Variants in PHACTR1 observed in about 807,000 individuals in gnomAD.
The protein encoded by PHACTR1 is RPEL repeat containing 1.
In PHACTR1, 16 loss-of-function variants were observed where a neutral mutation model predicts 69.2. The ratio of observed to expected loss-of-function variants is 0.23; its 90% CI spans 0.16 to 0.35. The LOEUF (loss-of-function observed/expected upper bound fraction) is 0.35. Ranked by LOEUF, PHACTR1 falls within the 10% of genes least tolerant of loss-of-function variation. The pLI is 1.00. For missense variants in PHACTR1, 510 were observed against 734.7 expected (o/e 0.69, Z 3.54); for synonymous variants, 312 against 284.5 (o/e 1.10, Z -0.97).
At chr6:13,160,342 C>A in intron 6 of PHACTR1, 58 bp downstream of exon 6, 1 of 1,415,390 alleles carries the variant, frequency 7.1e-7, no homozygotes, top group Non-Finnish European at 1.0e-6. Context: ...AATCTGCATG[C>A]ATATTGCTTG....
At chr6:12,795,044 G>T (rs1283230334) in intron 4 of PHACTR1, among the ~76,000 whole-genome samples, 2 of 152,120 alleles carry the variant, frequency 1.3e-5, no homozygotes, top group Non-Finnish European at 2.9e-5. Context: ...CTCATCTGAG[G>T]ATCTTGTTAA....
intron 5 of PHACTR1, among the ~76,000 whole-genome samples, chr6:13,093,927 A>C (rs967242679): frequency 6.6e-6 from 1 of 152,182 alleles, no homozygotes; most frequent in African/African-American, 2.4e-5. Context: ...GCTGGGGTGC[A>C]GTGGTGCAAT....
At chr6:13,149,264 T>C (rs1348454367) in intron 5 of PHACTR1, among the ~76,000 whole-genome samples, 3 of 152,140 alleles carry the variant, frequency 2.0e-5, no homozygotes, top group Admixed American at 6.5e-5. Flanking sequence ...TCCAACGAAC[T>C]GGGGAGGAAC....
chr6:13,278,259 T>A lies in PHACTR1; in HGVS notation c.1448-9T>A, dbSNP rs1445765854. The A allele has an allele frequency of 6.3e-7, 1 of 1,576,308 alleles. No homozygotes were observed. The highest frequency in any genetic ancestry group is 1.4e-5 in the African/African-American group (1 of 73,912). ...TGAAATAAAAAAACATCTTAAATAT[T>A]TTTTTTAGCTCGGAATGAACAAGAG... is the stretch of plus-strand genomic sequence containing the variant. On this transcript the variant is annotated splice_polypyrimidine_tract_variant and intron_variant, in intron 11 of 14. Transcript: ENST00000332995.
At chr6:12,748,506 G>A (rs531648297) in intron 3 of PHACTR1, among the ~76,000 whole-genome samples, 1 of 152,310 alleles carries the variant, frequency 6.6e-6, no homozygotes, top group Non-Finnish European at 1.5e-5. Flanking sequence ...TCCTACAGCT[G>A]CAGAAAGACA....
At chr6:13,183,886 G>A (rs768134780) in intron 7 of PHACTR1, among the ~76,000 whole-genome samples, 2 of 152,214 alleles carry the variant, frequency 1.3e-5, no homozygotes, top group Non-Finnish European at 2.9e-5. Flanking sequence ...CGGCATGATA[G>A]GAAGGTGTGT....
At chr6:13,036,447 TA>T (rs1202503483) in intron 4 of PHACTR1, among the ~76,000 whole-genome samples, 3 of 152,218 alleles carry the variant, frequency 2.0e-5, no homozygotes, top group African/African-American at 4.8e-5. Flanking sequence ...TGGTTGAACA[TA>T]GGGGTCATTA....
rs890972458 is a variant in PHACTR1, at chr6:13,179,740, A to G, written c.497-2779A>G. On this transcript the variant is annotated intron_variant, in intron 6 of 14. Transcript: ENST00000332995. This position sits in a 1 kb window ranked among gnomAD's most constrained non-coding sequence, Gnocchi z 4.2. ...GATAGATAGATAGATAGATAGATAG[A>G]TAGATAGACAGAACAAGGTTATCAA... is the stretch of plus-strand genomic sequence containing the variant. 7.2e-6 allele frequency among the ~76,000 whole-genome samples: 1 copy of G among 138,986 alleles called. No individual in the cohort carries two copies. The highest frequency in any genetic ancestry group is 2.7e-5 in the African/African-American group (1 of 36,536). 91.2% of individuals were successfully genotyped at this position (138,986 alleles called of 152,430 possible).
At chr6:13,044,060 A>G (rs749865826) in intron 4 of PHACTR1, among the ~76,000 whole-genome samples, 8 of 152,086 alleles carry the variant, frequency 5.3e-5, no homozygotes, top group Non-Finnish European at 1.2e-4. Context: ...TATTAGCTCA[A>G]TAAGTCTAAC....
chr6:13,126,044 T>G (rs533962215), intron 5 of PHACTR1, among the ~76,000 whole-genome samples: 156 of 152,314 alleles, frequency 1.0e-3, no homozygotes, highest in African/African-American at 3.6e-3. Context: ...TATTTGATAT[T>G]AAGAATTTAA....
At chr6:12,965,451 C>CTTTTTTTTTTTT (rs55640152) in intron 4 of PHACTR1, among the ~76,000 whole-genome samples, 1 of 131,966 alleles carries the variant, frequency 7.6e-6, no homozygotes, top group Non-Finnish European at 1.6e-5. Flanking sequence ...TATTTTGTGC[C>CTTTTTTTTTTTT]TTTTTTTTTT....
At chr6:12,880,795 A>G (rs540628508) in intron 4 of PHACTR1, among the ~76,000 whole-genome samples, 1 of 152,348 alleles carries the variant, frequency 6.6e-6, no homozygotes, top group Admixed American at 6.5e-5. Flanking sequence ...CAGCATGAGA[A>G]AAGACAATAG....
intron 7 of PHACTR1, among the ~76,000 whole-genome samples, chr6:13,195,098 C>T (rs562701087): frequency 7.2e-5 from 11 of 152,264 alleles, no homozygotes; most frequent in Admixed American, 5.2e-4. Flanking sequence ...AAACGCCAGG[C>T]GAGTGATCAT....
chr6:13,226,564 A>G (rs1178077532), intron 8 of PHACTR1, among the ~76,000 whole-genome samples: 1 of 152,158 alleles, frequency 6.6e-6, no homozygotes, highest in East Asian at 1.9e-4. Flanking sequence ...GAATTATAAA[A>G]TTTAACTATG....
chr6:12,865,840 A>G (rs1346564815), intron 4 of PHACTR1, among the ~76,000 whole-genome samples: 2 of 152,136 alleles, frequency 1.3e-5, no homozygotes, highest in Non-Finnish European at 2.9e-5. Context: ...TCTTCCAGCT[A>G]TAAAACCTAA....
chr6:12,876,497 TA>T (rs948645921), intron 4 of PHACTR1, among the ~76,000 whole-genome samples: 1 of 152,308 alleles, frequency 6.6e-6, no homozygotes, highest in East Asian at 1.9e-4. Flanking sequence ...AATGATCTTC[TA>T]AACTTCAGCT....
intron 5 of PHACTR1, among the ~76,000 whole-genome samples, chr6:13,135,334 G>A (rs1223515): frequency 0.93 from 142,009 of 152,236 alleles, 66,821 homozygotes; most frequent in Non-Finnish European, 0.99. Flanking sequence ...GAACCGCCCT[G>A]TCATTCTGGG....
At chr6:13,168,724 G>C (rs935400989) in intron 6 of PHACTR1, among the ~76,000 whole-genome samples, 1 of 152,164 alleles carries the variant, frequency 6.6e-6, no homozygotes, top group African/African-American at 2.4e-5. Flanking sequence ...AATCATGCTA[G>C]AGAAGATAGG....
intron 4 of PHACTR1, among the ~76,000 whole-genome samples, chr6:12,889,536 G>A (rs141379211): frequency 4.6e-5 from 7 of 152,344 alleles, no homozygotes; most frequent in Admixed American, 1.3e-4. Context: ...TGACATTTGG[G>A]AGTAGTTTGG....
Sources: allele counts gnomAD v4.1 joint callset (sites outside exome capture counted in the v4.1 genomes callset), GRCh38; gene constraint gnomAD v4.1.1; non-coding constraint Gnocchi (gnomAD v3.1); transcripts MANE v1.5; gene names NCBI Gene and HGNC (gene_info 2026-07-23, HGNC 2026-07-21).